SHISA9: variants seen among roughly 807,000 people sequenced by gnomAD.
SHISA9 encodes protein shisa-9.
SHISA9 carries 13 observed loss-of-function variants against 38.0 expected under a neutral mutation model. That is an observed-to-expected ratio of 0.34 (90% CI 0.22 to 0.54). The LOEUF is 0.54. Among genes scored for constraint, SHISA9 ranks in the 20% least tolerant of loss-of-function variants. SHISA9 has a pLI of 0.91. For missense variants in SHISA9, 538 were observed against 575.8 expected, an observed-to-expected ratio of 0.93 and a Z score of 0.67; for synonymous variants, 275 against 242.0, an observed-to-expected ratio of 1.14 and a Z score of -1.27.
intron 2 of SHISA9, among the ~76,000 whole-genome samples, chr16:13,173,377 TACACACACAC>T (rs34832916): frequency 8.4e-5 from 12 of 142,840 alleles, no homozygotes; most frequent in Non-Finnish European, 1.4e-4. Context: ...TGTGTGCATG[TACACACACAC>T]ACACACACAC....
chr16:13,208,649 A>G (rs1191281640), intron 3 of SHISA9, among the ~76,000 whole-genome samples: 1 of 152,156 alleles, frequency 6.6e-6, no homozygotes, highest in East Asian at 1.9e-4. Flanking sequence ...GCTCTTGGTA[A>G]AATATTAGCA....
At chr16:13,502,472 A>G in the SHISA9 span, among the ~76,000 whole-genome samples, 2 of 152,332 alleles carry the variant, frequency 1.3e-5, no homozygotes, top group East Asian at 3.9e-4. Context: ...TTATTCAACA[A>G]ATATATTTAT....
the SHISA9 span, among the ~76,000 whole-genome samples, chr16:13,281,524 G>T: frequency 1.3e-4 from 19 of 144,768 alleles, no homozygotes; most frequent in East Asian, 6.1e-4. Context: ...TATTTTTCTG[G>T]TTTTTTTCCA....
the SHISA9 span, among the ~76,000 whole-genome samples, chr16:13,542,945 C>G: frequency 2.0e-5 from 3 of 152,210 alleles, no homozygotes; most frequent in Admixed American, 6.5e-5. Context: ...GGTTTACACA[C>G]TACCAGCTTA....
the SHISA9 span, among the ~76,000 whole-genome samples, chr16:13,259,394 G>A: frequency 6.6e-6 from 1 of 152,182 alleles, no homozygotes. Context: ...GGCACATAGT[G>A]CAAGGTGTCA....
chr16:12,935,316 A>G (rs551105477), intron 2 of SHISA9, among the ~76,000 whole-genome samples: 37 of 152,342 alleles, frequency 2.4e-4, no homozygotes, highest in Non-Finnish European at 4.3e-4. Flanking sequence ...ATATCTTGGT[A>G]TCTGTCCAAG....
the SHISA9 span, among the ~76,000 whole-genome samples, chr16:13,471,725 G>T: frequency 1.3e-5 from 2 of 152,120 alleles, no homozygotes; most frequent in African/African-American, 4.8e-5. Context: ...CCAGAATTTA[G>T]GGCTTTCTCT....
chr16:13,228,348 C>T (rs1370179124), intron 4 of SHISA9, among the ~76,000 whole-genome samples: 1 of 152,220 alleles, frequency 6.6e-6, no homozygotes, highest in Non-Finnish European at 1.5e-5. Context: ...GGATTTTCCC[C>T]CCATCTGCAC....
chr16:13,365,518 G>A, the SHISA9 span, among the ~76,000 whole-genome samples: 4 of 147,744 alleles, frequency 2.7e-5, no homozygotes, highest in South Asian at 6.5e-4. Flanking sequence ...GAACAGTGGC[G>A]GGATCTTGGC....
intron 2 of SHISA9, among the ~76,000 whole-genome samples, chr16:12,935,350 A>G (rs2071515196): frequency 6.6e-6 from 1 of 152,150 alleles, no homozygotes; most frequent in South Asian, 2.1e-4. Flanking sequence ...TTAGAATTCT[A>G]CCAACATCTA....
the SHISA9 span, among the ~76,000 whole-genome samples, chr16:13,499,376 G>C: frequency 6.6e-6 from 1 of 152,192 alleles, no homozygotes; most frequent in Admixed American, 6.5e-5. Context: ...TAAAAGCGGT[G>C]CTCTGTAAGA....
the SHISA9 span, chr16:13,458,840 T>TTTTTG: frequency 7.5e-5 from 14 of 187,152 alleles, no homozygotes; most frequent in South Asian, 3.1e-4. Context: ...TTCTCGGGTT[T>TTTTTG]TTTTGTTTTG....
Position 13,025,818 on chromosome 16 carries a change from T to G in SHISA9, c.691+109003T>G, listed in dbSNP as rs563679836. Among the ~76,000 whole-genome samples, 61 of 152,204 alleles carry G rather than the reference T, an allele frequency of 4.0e-4. No individual in the cohort carries two copies. The East Asian group carries it at 4.6e-3, about 12-fold the overall frequency. ...TCAACCCTCTTAACAACATTTTTTT[T>G]GGGGGGGATGGAGTTTTCCTCTTGT... On this transcript the variant is annotated intron_variant, in intron 2 of 4. Transcript: ENST00000558583.
At chr16:13,099,767 C>T (rs1226059474) in intron 2 of SHISA9, among the ~76,000 whole-genome samples, 1 of 152,190 alleles carries the variant, frequency 6.6e-6, no homozygotes, top group Non-Finnish European at 1.5e-5. Context: ...CAATTCTGTA[C>T]ACTGCCTTTT....
chr16:13,261,076 C>T, the SHISA9 span, among the ~76,000 whole-genome samples: 3 of 152,152 alleles, frequency 2.0e-5, no homozygotes, highest in African/African-American at 4.8e-5. Context: ...GATTCAATTA[C>T]CTCTGCCTGG....
chr16:13,249,622 T>C, the SHISA9 span, among the ~76,000 whole-genome samples: 1 of 152,176 alleles, frequency 6.6e-6, no homozygotes, highest in African/African-American at 2.4e-5. Flanking sequence ...TCCTTATACA[T>C]TTTTTCTCTC....
At chr16:13,059,284 T>G (rs528022860) in intron 2 of SHISA9, among the ~76,000 whole-genome samples, 1 of 151,956 alleles carries the variant, frequency 6.6e-6, no homozygotes, top group African/African-American at 2.4e-5. Flanking sequence ...GCCGCCACCA[T>G]GCCTGGCTAA....
chr16:13,498,513 T>C, the SHISA9 span, among the ~76,000 whole-genome samples: 18 of 152,302 alleles, frequency 1.2e-4, no homozygotes, highest in African/African-American at 3.6e-4. Flanking sequence ...TCCCAGCACT[T>C]TGGGAGGCCA....
chr16:13,077,250 T>G (rs2073593685), intron 2 of SHISA9, among the ~76,000 whole-genome samples: 1 of 152,120 alleles, frequency 6.6e-6, no homozygotes, highest in East Asian at 1.9e-4. Flanking sequence ...CTTCTTTTTT[T>G]TTTTTAACCT....
Sources: gnomAD v4.1 joint callset for allele counts (sites outside exome capture counted in the v4.1 genomes callset) on GRCh38, gnomAD v4.1.1 for gene constraint, MANE v1.5 for transcripts, NCBI Gene and HGNC (gene_info 2026-07-23, HGNC 2026-07-21) for gene names.